RBFOX1: variants seen among roughly 807,000 people sequenced by gnomAD.
RBFOX1 encodes the protein RNA binding protein fox-1 homolog 1.
Under a neutral mutation model 57.7 loss-of-function variants are expected in RBFOX1, and 8 were observed. The ratio of observed to expected loss-of-function variants is 0.14; its 90% CI spans 0.08 to 0.25. The LOEUF is 0.25. Ranked by LOEUF, RBFOX1 falls within the 10% of genes least tolerant of loss-of-function variation. The pLI, the probability that RBFOX1 is intolerant of heterozygous loss-of-function variation, is 1.00. For missense variants in RBFOX1, 611 were observed against 548.5 expected (o/e 1.11, Z -1.14); for synonymous variants, 326 against 222.4 (o/e 1.47, Z -4.15).
chr16:7,021,683 G>T (rs1053744515), intron 3 of RBFOX1, among the ~76,000 whole-genome samples: 3 of 149,086 alleles, frequency 2.0e-5, no homozygotes, highest in African/African-American at 7.3e-5. Context: ...TGCACAGACT[G>T]GATTAAGTGT....
intron 3 of RBFOX1, among the ~76,000 whole-genome samples, chr16:6,837,146 T>A (rs1323128158): frequency 2.0e-5 from 3 of 152,220 alleles, no homozygotes; most frequent in African/African-American, 4.8e-5. Flanking sequence ...TTTTAAGTTA[T>A]TCAGGAAAGC....
intron 4 of RBFOX1, among the ~76,000 whole-genome samples, chr16:7,380,594 G>T (rs765916083): frequency 2.6e-5 from 4 of 152,164 alleles, no homozygotes; most frequent in Non-Finnish European, 4.4e-5. Context: ...ACAAAAACCA[G>T]TTTCCAAACT....
intron 4 of RBFOX1, among the ~76,000 whole-genome samples, chr16:7,408,814 C>G (rs1431472502): frequency 6.6e-6 from 1 of 152,126 alleles, no homozygotes; most frequent in African/African-American, 2.4e-5. Flanking sequence ...CCGAAAATGT[C>G]TCCAGATACT....
At chr16:6,737,770 T>A (rs1410098199) in intron 3 of RBFOX1, among the ~76,000 whole-genome samples, 1 of 152,190 alleles carries the variant, frequency 6.6e-6, no homozygotes, top group African/African-American at 2.4e-5. Flanking sequence ...CATTTATTAA[T>A]AAGAGGAAAG....
chr16:5,564,116 C>G (rs552069201), intron 2 of RBFOX1, among the ~76,000 whole-genome samples: 28 of 152,070 alleles, frequency 1.8e-4, no homozygotes, highest in Non-Finnish European at 3.2e-4. Flanking sequence ...CAGGTTCAAG[C>G]GATTCTCCTG....
chr16:6,198,581 T>C lies in RBFOX1; in HGVS notation c.-126-118414T>C, dbSNP rs1475545736. 5.9e-5 allele frequency among the ~76,000 whole-genome samples: 9 copies of C among 152,120 alleles called. No homozygotes were observed. In the East Asian group the frequency reaches 1.7e-3, roughly 29 times the overall value. On this transcript the variant is annotated intron_variant, in intron 1 of 15. Transcript: ENST00000550418. ...TAATTCATCTTCTGAAAACAAGAGA[T>C]TGGATTAGATAATTCCTAACATTCC... is the stretch of plus-strand genomic sequence containing the variant.
intron 3 of RBFOX1, among the ~76,000 whole-genome samples, chr16:5,712,512 T>A (rs895126815): frequency 8.5e-5 from 13 of 152,194 alleles, no homozygotes; most frequent in Admixed American, 2.6e-4. Context: ...GGGAAGAGTA[T>A]GTGAGGCCTC....
chr16:6,135,509 A>C (rs1032192020), intron 1 of RBFOX1, among the ~76,000 whole-genome samples: 1 of 152,286 alleles, frequency 6.6e-6, no homozygotes, highest in African/African-American at 2.4e-5. Flanking sequence ...TGGAGGGATC[A>C]CAGATTCAAC....
chr16:5,283,351 GAA>G (rs1201000576), intron 1 of RBFOX1, among the ~76,000 whole-genome samples: 1 of 152,170 alleles, frequency 6.6e-6, no homozygotes, highest in Non-Finnish European at 1.5e-5. Flanking sequence ...GGAGCTGTGA[GAA>G]GAGGGCCACC....
chr16:7,601,417 A>G (rs898890671), intron 9 of RBFOX1, among the ~76,000 whole-genome samples: 3 of 152,208 alleles, frequency 2.0e-5, no homozygotes, highest in Non-Finnish European at 4.4e-5. Flanking sequence ...CATAGTTTCA[A>G]TATTAAGTCA....
At chr16:6,758,416 G>A (rs1043472245) in intron 3 of RBFOX1, among the ~76,000 whole-genome samples, 3 of 152,100 alleles carry the variant, frequency 2.0e-5, no homozygotes, top group African/African-American at 4.8e-5. Flanking sequence ...TCATAGCAAC[G>A]GGTGCTAGAG....
At position 5,454,850 on chromosome 16, in the gene RBFOX1, TTTCTTTTCTTTCTTTCTTTCTTTCTTTC is replaced by T. The variant is rs1237047842; in HGVS notation, c.220-12363_220-12336del. Reference sequence around the variant, plus strand: ...TTCCTTGCTTTCTTTCCTTTCTTTCTTTCTTTTCTTTCTTTCTTTCTTTCTTTCTTTCTTTCTTTCTTTCTTTCTTTCT... The same window carrying T: ...TTCCTTGCTTTCTTTCCTTTCTTTCTTTTCTTTCTTTCTTTCTTTCTTTCT... On this transcript the variant is annotated intron_variant, in intron 1 of 2. Transcript: ENST00000585867. 6.6e-5 allele frequency among the ~76,000 whole-genome samples: 8 copies of T among 121,764 alleles called. No homozygotes were observed. The East Asian group carries it at 8.7e-4, about 13-fold the overall frequency. 79.9% of individuals were successfully genotyped at this position (121,764 alleles called of 152,430 possible).
intron 2 of RBFOX1, among the ~76,000 whole-genome samples, chr16:6,621,159 C>G (rs2098224217): frequency 6.6e-6 from 1 of 152,182 alleles, no homozygotes; most frequent in African/African-American, 2.4e-5. Flanking sequence ...CCTCTCCTTT[C>G]TCTTATAAAA....
At chr16:6,845,680 A>G (rs1346162295) in intron 3 of RBFOX1, among the ~76,000 whole-genome samples, 1 of 152,072 alleles carries the variant, frequency 6.6e-6, no homozygotes, top group Admixed American at 6.6e-5. Flanking sequence ...AATTTCAGAG[A>G]TCTCACCAGA....
chr16:6,600,208 A>G (rs1180076668), intron 2 of RBFOX1, among the ~76,000 whole-genome samples: 1 of 152,096 alleles, frequency 6.6e-6, no homozygotes, highest in Non-Finnish European at 1.5e-5. Flanking sequence ...TTTTCCTTGA[A>G]ATTAATGGTG....
intron 3 of RBFOX1, among the ~76,000 whole-genome samples, chr16:6,752,898 A>G (rs1416688690): frequency 6.6e-6 from 1 of 151,724 alleles, no homozygotes; most frequent in East Asian, 1.9e-4. Context: ...CTCCCAGAGA[A>G]TTTTTATCTT....
intron 1 of RBFOX1, among the ~76,000 whole-genome samples, chr16:5,388,967 A>C (rs9674043): frequency 1.3e-5 from 2 of 151,356 alleles, no homozygotes; most frequent in Admixed American, 1.3e-4. Context: ...CGAGGTGGGC[A>C]GATCACGAGG....
intron 3 of RBFOX1, among the ~76,000 whole-genome samples, chr16:6,944,544 T>C (rs2079131403): frequency 6.6e-6 from 1 of 152,164 alleles, no homozygotes; most frequent in African/African-American, 2.4e-5. Context: ...CGATCTGGTA[T>C]ATTTTGTAGA....
intron 4 of RBFOX1, among the ~76,000 whole-genome samples, chr16:7,221,234 G>A (rs976157369): frequency 6.6e-6 from 1 of 152,146 alleles, no homozygotes; most frequent in Non-Finnish European, 1.5e-5. Flanking sequence ...AGTTTGTAAA[G>A]TGTTAGAATA....
Sources: gnomAD v4.1 joint callset for allele counts (sites outside exome capture counted in the v4.1 genomes callset) on GRCh38, gnomAD v4.1.1 for gene constraint, MANE v1.5 for transcripts, NCBI Gene and HGNC (gene_info 2026-07-23, HGNC 2026-07-21) for gene names.